PEX7: variants seen among roughly 807,000 people sequenced by gnomAD.
PEX7 encodes the protein PTS2 receptor.
PEX7 carries 34 observed loss-of-function variants against 47.5 expected under a neutral mutation model. The observed-to-expected ratio is 0.72, with a 90% CI of 0.54 to 0.95. PEX7 has a LOEUF of 0.95. Ranked by LOEUF, PEX7 falls within the 40% of genes least tolerant of loss-of-function variation. PEX7 has a pLI of 0.00. For synonymous variants in PEX7, 141 were observed against 148.8 expected, an observed-to-expected ratio of 0.95 and a Z score of 0.38; for missense variants, 394 against 400.3, an observed-to-expected ratio of 0.98 and a Z score of 0.13.
chr6:136,878,531 C>T (rs1213915939), intron 8 of PEX7, among the ~76,000 whole-genome samples: 2 of 152,048 alleles, frequency 1.3e-5, no homozygotes, highest in African/African-American at 2.4e-5. Context: ...TGAATTTTGT[C>T]GAAAGCCTTT....
At chr6:136,846,733 C>T (rs910197215) in intron 5 of PEX7, among the ~76,000 whole-genome samples, 28 of 152,244 alleles carry the variant, frequency 1.8e-4, no homozygotes, top group Middle Eastern at 3.4e-3. Context: ...TTTCTTGATC[C>T]AGTCTATCAT....
At position 136,822,842 on chromosome 6, in the gene PEX7, G is replaced by GGGGGGCGGAGGCGGAGGCGGGGGCC; in HGVS notation, c.130+51_130+52insGCGGAGGCGGAGGCGGGGGCCGGGG. The GGGGGGCGGAGGCGGAGGCGGGGGCC allele has an allele frequency of 3.2e-6, 4 of 1,231,682 alleles. No individual in the cohort carries two copies. In the Admixed American group the frequency reaches 1.8e-4, roughly 54 times the overall value. The allele number at this position is 1,231,682 out of a possible 1,614,324, so 76.3% of individuals were successfully genotyped here. A position where few individuals can be genotyped will look rare whatever the true frequency, so the allele number is the denominator to read the frequency against. On this transcript the variant is annotated intron_variant, in intron 1 of 9. Coordinates refer to ENST00000318471, the MANE Select transcript of PEX7 (RefSeq NM_000288.4). ...GGGGCCGGGGGGCGGAGGCGGAGGCGGGGGCCAGCCGGGCTCCAGTTCCTC... is the reference window on the plus strand; with the variant it reads ...GGGGCCGGGGGGCGGAGGCGGAGGCGGGGGGCGGAGGCGGAGGCGGGGGCCGGGGCCAGCCGGGCTCCAGTTCCTC...
chr6:136,881,500 A>C (rs1775375837), intron 8 of PEX7, among the ~76,000 whole-genome samples: 1 of 152,212 alleles, frequency 6.6e-6, no homozygotes, highest in African/African-American at 2.4e-5. Context: ...GGTATTCTTA[A>C]CAGTTTTAAT....
intron 5 of PEX7, among the ~76,000 whole-genome samples, chr6:136,848,463 A>T (rs1451568421): frequency 6.6e-6 from 1 of 151,790 alleles, no homozygotes; most frequent in Non-Finnish European, 1.5e-5. Context: ...CATTCAGTAA[A>T]TATTATCATA....
chr6:136,841,108 G>A (rs954741051), intron 3 of PEX7, among the ~76,000 whole-genome samples: 40 of 152,142 alleles, frequency 2.6e-4, no homozygotes, highest in African/African-American at 9.4e-4. Context: ...CTAGTACATA[G>A]TAGGTGCTCA....
At chr6:136,890,181 A>G (rs1391016038) in intron 8 of PEX7, among the ~76,000 whole-genome samples, 3 of 152,184 alleles carry the variant, frequency 2.0e-5, no homozygotes, top group Non-Finnish European at 2.9e-5. Flanking sequence ...GATTTAAAAA[A>G]CCGTAATTAT....
chr6:136,825,742 C>T (rs975597761), intron 2 of PEX7, among the ~76,000 whole-genome samples: 6 of 152,100 alleles, frequency 3.9e-5, no homozygotes, highest in Admixed American at 2.0e-4. Flanking sequence ...ATCATTTTGG[C>T]CAGGCTGGTC....
intron 5 of PEX7, among the ~76,000 whole-genome samples, chr6:136,848,928 A>C (rs1774684433): frequency 6.6e-6 from 1 of 152,198 alleles, no homozygotes; most frequent in Admixed American, 6.5e-5. Context: ...AAGGAATGGT[A>C]CCAGCTCCTC....
At chr6:136,910,574 A>C (rs62420715) in intron 9 of PEX7, among the ~76,000 whole-genome samples, 4,862 of 152,344 alleles carry the variant, frequency 0.032, 120 homozygotes, top group Non-Finnish European at 0.049. Flanking sequence ...TTTTAAATTT[A>C]AAAGTTTGAC....
intron 8 of PEX7, among the ~76,000 whole-genome samples, chr6:136,891,133 T>A (rs1775545997): frequency 6.6e-6 from 1 of 152,246 alleles, no homozygotes. Flanking sequence ...CCAGCATCCC[T>A]GTGGATCTCT....
At chr6:136,833,884 A>G (rs1390978511) in intron 3 of PEX7, among the ~76,000 whole-genome samples, 2 of 152,220 alleles carry the variant, frequency 1.3e-5, no homozygotes, top group Admixed American at 1.3e-4. Flanking sequence ...TACTTGTAGC[A>G]CATATTATAT....
intron 9 of PEX7, among the ~76,000 whole-genome samples, chr6:136,905,150 C>T (rs566914904): frequency 6.6e-6 from 1 of 152,212 alleles, no homozygotes; most frequent in Admixed American, 6.5e-5. Context: ...AAGAGAGTTC[C>T]CAGGAATGAG....
chr6:136,845,949 G>C lies in PEX7; in HGVS notation c.418-124G>C, dbSNP rs1774590451. 7.1e-6 allele frequency: 5 copies of C among 702,846 alleles called. 1 individual carries two copies. In the Admixed American group the frequency reaches 1.2e-4, roughly 16 times the overall value. 43.5% of individuals were successfully genotyped at this position (702,846 alleles called of 1,614,324 possible). On this transcript the variant is annotated intron_variant, in intron 4 of 9. Transcript: ENST00000318471. ...TCAAAACAGATCTTTAAAAATCCTT[G>C]AGATCTGTATATATATTGTATGCAT...
chr6:136,898,605 G>A (rs1320499396), intron 9 of PEX7, among the ~76,000 whole-genome samples: 6 of 152,280 alleles, frequency 3.9e-5, no homozygotes, highest in African/African-American at 1.4e-4. Context: ...GTCCCATTAG[G>A]CAGTTGAGAC....
intron 6 of PEX7, among the ~76,000 whole-genome samples, chr6:136,868,911 G>C (rs73777761): frequency 0.048 from 7,298 of 152,012 alleles, 633 homozygotes; most frequent in African/African-American, 0.17. Flanking sequence ...TTACATTCTT[G>C]GATATGATTA....
At chr6:136,909,672 G>C (rs569761596) in intron 9 of PEX7, among the ~76,000 whole-genome samples, 1 of 152,066 alleles carries the variant, frequency 6.6e-6, no homozygotes, top group African/African-American at 2.4e-5. Flanking sequence ...ACAAATAGAG[G>C]AATACTATTT....
intron 3 of PEX7, among the ~76,000 whole-genome samples, chr6:136,836,131 T>C (rs910362074): frequency 6.6e-6 from 1 of 152,142 alleles, no homozygotes; most frequent in African/African-American, 2.4e-5. Context: ...GCAATCTTAT[T>C]TGAGAACTTA....
chr6:136,864,352 T>A (rs1381958280), intron 5 of PEX7, among the ~76,000 whole-genome samples: 1 of 152,116 alleles, frequency 6.6e-6, no homozygotes, highest in Non-Finnish European at 1.5e-5. Flanking sequence ...TTACTGCATA[T>A]CTTTTGCGTA....
rs753193218 is a variant in PEX7 at position 136,866,729 on chromosome 6, A to C, written c.629A>C (p.Asn210Thr). ...TTGAGTTGTGACTGGTGTAAATACA[A>C]TGAGGTATAGTGTATGGCTCTATCC... Reference protein sequence around the residue: ...EILSCDWCKYNENLLVTGAVD... With the variant: ...EILSCDWCKYTENLLVTGAVD... Residue 210 changes from asparagine to threonine, a missense_variant, in exon 6 of 10, where the codon AAT (asparagine) becomes ACT (threonine). Coordinates refer to ENST00000318471, the MANE Select transcript of PEX7 (RefSeq NM_000288.4). 6.2e-7 allele frequency: 1 copy of C among 1,610,536 alleles called. No homozygotes were observed. Among genetic ancestry groups the C allele is most frequent in the East Asian group, 2.2e-5 (1 of 44,824 alleles).
Sources: gnomAD v4.1 joint callset for allele counts (sites outside exome capture counted in the v4.1 genomes callset) on GRCh38, gnomAD v4.1.1 for gene constraint, MANE v1.5 for transcripts, NCBI Gene and HGNC (gene_info 2026-07-23, HGNC 2026-07-21) for gene names.